The following SPTBN4 variants were observed in gnomAD, a reference collection of about 807,000 sequenced individuals.
The protein encoded by SPTBN4 is spectrin beta chain, non-erythrocytic 4.
SPTBN4 carries 96 observed loss-of-function variants against 277.8 expected under a neutral mutation model. The observed-to-expected ratio is 0.35, with a 90% CI of 0.29 to 0.41. The LOEUF (loss-of-function observed/expected upper bound fraction) is 0.41, where lower values mean the gene tolerates loss of function less well. SPTBN4 is among the 10% of genes least tolerant of loss of function. SPTBN4 has a pLI of 1.00. For synonymous variants in SPTBN4, 1,481 were observed against 1,580.3 expected, an observed-to-expected ratio of 0.94 and a Z score of 1.49; for missense variants, 3,006 against 3,595.7, an observed-to-expected ratio of 0.84 and a Z score of 4.19.
At chr19:40,573,072 G>C (rs994743960) in intron 35 of SPTBN4, among the ~76,000 whole-genome samples, 2 of 152,240 alleles carry the variant, frequency 1.3e-5, no homozygotes, top group South Asian at 4.1e-4. Flanking sequence ...ACTTTGGGAG[G>C]CCAAGGCAGG....
chr19:40,472,845 C>A (rs1468075168), intron 2 of SPTBN4, 55 bp downstream of exon 2: 78 of 1,447,904 alleles, frequency 5.4e-5, no homozygotes, highest in Non-Finnish European at 7.2e-5. Flanking sequence ...GGGAAGGGTG[C>A]CCGAGAACCT....
chr19:40,569,133 T>C (rs746350343), intron 31 of SPTBN4, among the ~76,000 whole-genome samples: 4 of 152,104 alleles, frequency 2.6e-5, no homozygotes, highest in Non-Finnish European at 5.9e-5. Context: ...CTGCTTAAAA[T>C]TCAAAGGGGC....
chr19:40,527,628 C>T (rs1012211705), intron 17 of SPTBN4, among the ~76,000 whole-genome samples: 7 of 152,174 alleles, frequency 4.6e-5, no homozygotes, highest in Admixed American at 3.3e-4. Flanking sequence ...GCAGAGGGAA[C>T]GGCTAGTGCC....
chr19:40,503,304 C>G (rs778179902), intron 11 of SPTBN4, among the ~76,000 whole-genome samples: 52 of 152,182 alleles, frequency 3.4e-4, no homozygotes, highest in Non-Finnish European at 6.2e-4. Context: ...GGTCCCTAAT[C>G]TCCAGGACAG....
chr19:40,479,989 C>T (rs144365216), intron 2 of SPTBN4, among the ~76,000 whole-genome samples: 9,523 of 151,676 alleles, frequency 0.063, 353 homozygotes, highest in Middle Eastern at 0.11. Flanking sequence ...TGGTGGCTCA[C>T]GCCTGTAATC....
At chr19:40,495,006 C>T in intron 6 of SPTBN4, 29 bp downstream of exon 6, 2 of 1,607,938 alleles carry the variant, frequency 1.2e-6, no homozygotes, top group South Asian at 2.2e-5. Flanking sequence ...CAGCCCAGTC[C>T]TGCCCTTCAG....
chr19:40,555,380 A>C (rs1039847522), intron 24 of SPTBN4: 14 of 151,410 alleles, frequency 9.2e-5, no homozygotes, highest in African/African-American at 3.4e-4. Context: ...AGTCCTAGCT[A>C]CTGGGGAGGC....
At chr19:40,572,270 GAC>G in intron 34 of SPTBN4, 66 bp from the exon 35 acceptor site, 2 of 1,607,130 alleles carry the variant, frequency 1.2e-6, no homozygotes, top group South Asian at 2.2e-5. Context: ...TTCCCTGGGG[GAC>G]ACTTGGTGGG....
At chr19:40,569,817 C>A in intron 32 of SPTBN4, 91 bp downstream of exon 32, 1 of 1,268,272 alleles carries the variant, frequency 7.9e-7, no homozygotes, top group South Asian at 1.4e-5. Flanking sequence ...CTAGCCCTGG[C>A]AGGACCCATT....
chr19:40,472,502 T>G, intron 1 of SPTBN4, 105 bp from the exon 2 acceptor site: 1 of 1,081,568 alleles, frequency 9.2e-7, no homozygotes, highest in Non-Finnish European at 1.3e-6. Context: ...ATGTCCACTT[T>G]AAAGACAGAG....
rs191731165 is a variant in SPTBN4, at chr19:40,570,826, G to A, written c.7319+98G>A. ...GAGGAGGGGGTGTGGCTCAACTTCA[G>A]GCCCTCCAGCAGGTGGCGGTAGTAG... On this transcript the variant is annotated intron_variant, in intron 33 of 35. Transcript: ENST00000598249. 4 of 1,340,630 alleles carry A rather than the reference G, an allele frequency of 3.0e-6. No individual in the cohort carries two copies. In the Admixed American group the frequency reaches 1.1e-4, roughly 37 times the overall value. 83.0% of individuals were successfully genotyped at this position (1,340,630 alleles called of 1,614,324 possible).
In SPTBN4 at chr19:40,554,561, G is replaced by T; in HGVS notation, c.4999G>T (p.Glu1667Ter). Residue 1667 changes from glutamate (E) to a stop codon, truncating the protein, a stop_gained, in exon 24 of 36, where the codon GAG (glutamate) becomes TAG (stop). Coordinates refer to ENST00000598249, the MANE Select transcript of SPTBN4 (RefSeq NM_020971.3). LOFTEE classifies it high-confidence loss of function. The surrounding 1 kb of genome is among the most constrained non-coding windows in gnomAD (Gnocchi z 5.7). ...LQLLKKHLQL[E>*]QGVENYEESI... ...GCTGCTCAAGAAACACCTGCAGCTG[G>T]AGCAAGGCGTGGAGAACTACGAGGA... The T allele has an allele frequency of 6.6e-7, 1 of 1,511,992 alleles. No individual in the cohort carries two copies. The highest frequency in any genetic ancestry group is 1.3e-5 in the South Asian group (1 of 75,810). 93.7% of individuals were successfully genotyped at this position (1,511,992 alleles called of 1,614,324 possible).
At position 40,549,308 on chromosome 19, in the gene SPTBN4, G is replaced by A. The variant is rs1744710622; in HGVS notation, c.4479G>A (p.Val1493=). 2 of 1,541,010 alleles carry A rather than the reference G, an allele frequency of 1.3e-6. No homozygotes were observed. The highest frequency in any genetic ancestry group is 1.7e-6 in the Non-Finnish European group (2 of 1,145,904). Residue 1493 remains valine, a synonymous_variant, in exon 21 of 36, where the codon GTG becomes GTA. Transcript: ENST00000598249. ...TGGTGGGTGAGCGGCAGAACGCGGTGGGCGAGCGCCTGGTGCGCCTGCTCG... is the reference window on the plus strand; with the variant it reads ...TGGTGGGTGAGCGGCAGAACGCGGTAGGCGAGCGCCTGGTGCGCCTGCTCG... ...KELVGERQNA[V]GERLVRLLEP...
intron 2 of SPTBN4, among the ~76,000 whole-genome samples, chr19:40,475,087 A>C (rs1381491266): frequency 6.6e-6 from 1 of 152,104 alleles, no homozygotes; most frequent in African/African-American, 2.4e-5. Context: ...AGAGAACTTT[A>C]TAGTTATAGA....
At chr19:40,483,768 A>G (rs1319784327) in intron 2 of SPTBN4, among the ~76,000 whole-genome samples, 1 of 152,152 alleles carries the variant, frequency 6.6e-6, no homozygotes, top group African/African-American at 2.4e-5. Context: ...ACTAAAGCCA[A>G]AGTGGAATTT....
At chr19:40,468,362 G>C (rs1280431949) in intron 1 of SPTBN4, among the ~76,000 whole-genome samples, 1 of 152,180 alleles carries the variant, frequency 6.6e-6, no homozygotes, top group African/African-American at 2.4e-5. Context: ...TTATAGGCGT[G>C]AGCCACCGCC....
intron 6 of SPTBN4, among the ~76,000 whole-genome samples, chr19:40,496,151 A>G (rs1226483793): frequency 6.6e-6 from 1 of 151,908 alleles, no homozygotes; most frequent in Admixed American, 6.6e-5. Context: ...TGCTATTTTT[A>G]TTTATTTATT....
intron 27 of SPTBN4, among the ~76,000 whole-genome samples, chr19:40,563,635 G>T (rs940043523): frequency 8.8e-6 from 1 of 113,742 alleles, no homozygotes; most frequent in South Asian, 2.8e-4. Flanking sequence ...TGATCCGCCC[G>T]CCTCAGCCTC....
At position 40,562,456 on chromosome 19, in the gene SPTBN4, G is replaced by A. The variant is rs561833909; in HGVS notation, c.5915+2053G>A. The stretch of plus-strand genomic sequence containing the variant: ...GAGGCAGGAGAATTGCTTGAACCTG[G>A]AAGGTGGAGGTTGCAGTGTGCTGAG... On this transcript the variant is annotated intron_variant, in intron 27 of 35. Coordinates refer to ENST00000598249, the MANE Select transcript of SPTBN4 (RefSeq NM_020971.3). Among the ~76,000 whole-genome samples, 6 of 149,982 alleles carry A rather than the reference G, an allele frequency of 4.0e-5. No homozygotes were observed. The East Asian group carries it at 9.8e-4, about 24-fold the overall frequency.
Sources: gnomAD v4.1 joint callset for allele counts (sites outside exome capture counted in the v4.1 genomes callset) on GRCh38, gnomAD v4.1.1 for gene constraint, Gnocchi (gnomAD v3.1) non-coding constraint, MANE v1.5 for transcripts, NCBI Gene and HGNC (gene_info 2026-07-23, HGNC 2026-07-21) for gene names.